Variants in ZNHIT6 observed in about 807,000 individuals in gnomAD.
The protein encoded by ZNHIT6 is zinc finger HIT-type containing 6, also known as box C/D snoRNA protein 1.
A neutral mutation model predicts 57.2 loss-of-function variants in ZNHIT6; 45 were observed. That is an observed-to-expected ratio of 0.79 (90% CI 0.62 to 1.01). ZNHIT6 has a LOEUF of 1.01. Among genes scored for constraint, ZNHIT6 ranks in the 50% least tolerant of loss-of-function variants. The pLI, the probability that ZNHIT6 is intolerant of heterozygous loss-of-function variation, is 0.00. For missense variants in ZNHIT6, 528 were observed against 567.3 expected (o/e 0.93, Z 0.70); for synonymous variants, 188 against 190.0 (o/e 0.99, Z 0.09).
chr1:85,684,497 C>T (rs72726360), intron 5 of ZNHIT6, among the ~76,000 whole-genome samples: 238 of 152,212 alleles, frequency 1.6e-3, no homozygotes, highest in South Asian at 3.3e-3. Flanking sequence ...AACAGATATA[C>T]AGTGTATCTA....
intron 5 of ZNHIT6, among the ~76,000 whole-genome samples, chr1:85,681,413 G>A (rs1661869517): frequency 6.6e-6 from 1 of 152,248 alleles, no homozygotes; most frequent in South Asian, 2.1e-4. Context: ...GTTTGACATA[G>A]CATCAACAGC....
intron 5 of ZNHIT6, among the ~76,000 whole-genome samples, chr1:85,690,205 G>A (rs74097075): frequency 0.039 from 5,894 of 152,138 alleles, 411 homozygotes; most frequent in African/African-American, 0.13. Context: ...TCACTCGTAC[G>A]AACAGGAAGA....
intron 5 of ZNHIT6, among the ~76,000 whole-genome samples, chr1:85,681,811 T>C (rs780063427): frequency 6.6e-6 from 1 of 152,148 alleles, no homozygotes; most frequent in African/African-American, 2.4e-5. Flanking sequence ...CCTTTACTAA[T>C]CTAAAGGACA....
At chr1:85,657,317 G>A (rs568178879) in intron 9 of ZNHIT6, among the ~76,000 whole-genome samples, 1 of 151,772 alleles carries the variant, frequency 6.6e-6, no homozygotes, top group Non-Finnish European at 1.5e-5. Flanking sequence ...GGAGATAAAG[G>A]GTAAAGGCAA....
Position 85,702,140 on chromosome 1 carries a change from A to T in ZNHIT6, c.1019+17T>A, listed in dbSNP as rs368931637. Reference sequence around the variant, plus strand: ...TCAAATCAGAATACCTGATATACTAAAAAGTTAGAAACTTACTTCTTATCA... The same window carrying T: ...TCAAATCAGAATACCTGATATACTATAAAGTTAGAAACTTACTTCTTATCA... On this transcript the variant is annotated intron_variant, in intron 5 of 9. Transcript: ENST00000370574. The T allele has an allele frequency of 2.0e-5, 31 of 1,546,522 alleles. No individual in the cohort carries two copies. Among genetic ancestry groups the T allele is most frequent in the Non-Finnish European group, 2.3e-5 (26 of 1,130,818 alleles).
intron 8 of ZNHIT6, among the ~76,000 whole-genome samples, chr1:85,668,568 C>G (rs1047649235): frequency 6.6e-6 from 1 of 152,142 alleles, no homozygotes; most frequent in Non-Finnish European, 1.5e-5. Context: ...TCAGTGTTCT[C>G]CAGTATATAC....
intron 8 of ZNHIT6, among the ~76,000 whole-genome samples, chr1:85,664,688 C>T (rs1436379079): frequency 3.3e-5 from 5 of 151,858 alleles, no homozygotes; most frequent in African/African-American, 7.3e-5. Flanking sequence ...TTAGTACCTG[C>T]GTGACGAAAT....
At chr1:85,654,863 T>C (rs918836221) in intron 9 of ZNHIT6, among the ~76,000 whole-genome samples, 2 of 152,210 alleles carry the variant, frequency 1.3e-5, no homozygotes, top group African/African-American at 2.4e-5. Flanking sequence ...TTGAGGCTTA[T>C]AGCTGTTATC....
chr1:85,659,138 G>T (rs1467729580), intron 8 of ZNHIT6, among the ~76,000 whole-genome samples: 1 of 152,002 alleles, frequency 6.6e-6, no homozygotes, highest in African/African-American at 2.4e-5. Context: ...AGAGTTTATC[G>T]TGACATAGCT....
In ZNHIT6 at chr1:85,650,674, T is replaced by C. The variant is rs1660879299; in HGVS notation, c.*3384A>G. 1 of 152,184 alleles carries C rather than the reference T, an allele frequency of 6.6e-6. No individual in the cohort carries two copies. The highest frequency in any genetic ancestry group is 1.5e-5 in the Non-Finnish European group (1 of 68,044). The allele number at this position is 152,184 out of a possible 1,614,324, so 9.4% of individuals were successfully genotyped here. ...GCTGTATCTGGTGAGGGTCTCATGT[T>C]GCTTCCACTCTTGGTACAAAGTGAA... On this transcript the variant is annotated 3_prime_UTR_variant, in exon 10 of 10. Transcript: ENST00000370574.
intron 5 of ZNHIT6, among the ~76,000 whole-genome samples, chr1:85,692,103 A>G (rs985342726): frequency 2.0e-5 from 3 of 152,148 alleles, no homozygotes; most frequent in African/African-American, 7.2e-5. Context: ...CGGGAGGCAG[A>G]TGGGGTTCTT....
chr1:85,656,354 T>C (rs976486069), intron 9 of ZNHIT6, among the ~76,000 whole-genome samples: 1 of 152,144 alleles, frequency 6.6e-6, no homozygotes, highest in Admixed American at 6.5e-5. Flanking sequence ...TCAAACATCA[T>C]ATATCCACCA....
intron 4 of ZNHIT6, among the ~76,000 whole-genome samples, chr1:85,705,591 T>A (rs1662663799): frequency 6.6e-6 from 1 of 152,188 alleles, no homozygotes; most frequent in African/African-American, 2.4e-5. Context: ...TGCAAATCTT[T>A]TAATTCCTCA....
chr1:85,676,260 T>A (rs750123717), intron 8 of ZNHIT6, among the ~76,000 whole-genome samples: 1 of 143,776 alleles, frequency 7.0e-6, no homozygotes, highest in Non-Finnish European at 1.5e-5. Flanking sequence ...CGCTTGAACC[T>A]GGGAGGCGGA....
At chr1:85,705,398 T>C (rs952588461) in intron 4 of ZNHIT6, among the ~76,000 whole-genome samples, 1 of 152,074 alleles carries the variant, frequency 6.6e-6, no homozygotes, top group African/African-American at 2.4e-5. Context: ...TATTGTTTTA[T>C]AGAGACGGGT....
At chr1:85,676,405 T>C (rs1251404089) in intron 8 of ZNHIT6, among the ~76,000 whole-genome samples, 2 of 152,178 alleles carry the variant, frequency 1.3e-5, no homozygotes, top group African/African-American at 4.8e-5. Context: ...GTAGCACTTT[T>C]AATTTCCTTC....
intron 5 of ZNHIT6, among the ~76,000 whole-genome samples, chr1:85,688,242 C>T (rs547173745): frequency 9.9e-5 from 15 of 152,052 alleles, no homozygotes; most frequent in Non-Finnish European, 2.1e-4. Flanking sequence ...TTTCATTTTA[C>T]AGATGAAAAC....
At position 85,707,922 on chromosome 1, in the gene ZNHIT6, C is replaced by A. The variant is rs147160762; in HGVS notation, c.363G>T (p.Thr121=). ...NAGVLEVKQE[T]DSSLVVKEAK... ...CTTCTTTTACCACTAAACTACTATC[C>A]GTCTCCTGCTTCACCTCCAATACGC... Residue 121 remains threonine, a synonymous_variant, in exon 1 of 10, where the codon ACG becomes ACT. Transcript: ENST00000370574. 6.2e-7 allele frequency: 1 copy of A among 1,614,074 alleles called. No homozygotes were observed. The highest frequency in any genetic ancestry group is 1.3e-5 in the African/African-American group (1 of 74,994).
chr1:85,695,393 T>C (rs1383140922), intron 5 of ZNHIT6, among the ~76,000 whole-genome samples: 3 of 152,292 alleles, frequency 2.0e-5, no homozygotes, highest in Non-Finnish European at 2.9e-5. Flanking sequence ...GAAAAAATGT[T>C]TAAAAAGGAA....
Sources: allele counts gnomAD v4.1 joint callset (sites outside exome capture counted in the v4.1 genomes callset), GRCh38; gene constraint gnomAD v4.1.1; transcripts MANE v1.5; gene names NCBI Gene and HGNC (gene_info 2026-07-23, HGNC 2026-07-21).